The following XYLB variants were observed in gnomAD, a reference collection of about 807,000 sequenced individuals.
The protein encoded by XYLB is xylulose kinase.
In XYLB, 62 loss-of-function variants were observed where a neutral mutation model predicts 78.7. The ratio of observed to expected loss-of-function variants is 0.79; its 90% CI spans 0.64 to 0.97. The LOEUF (loss-of-function observed/expected upper bound fraction) is 0.97. Ranked by LOEUF, XYLB falls within the 50% of genes least tolerant of loss-of-function variation. The pLI is 0.00. For synonymous variants in XYLB, 245 were observed against 247.4 expected, an observed-to-expected ratio of 0.99 and a Z score of 0.09; for missense variants, 687 against 676.8, an observed-to-expected ratio of 1.02 and a Z score of -0.17.
chr3:38,412,587 A>C (rs1708638966), intron 18 of XYLB, among the ~76,000 whole-genome samples: 1 of 152,204 alleles, frequency 6.6e-6, no homozygotes, highest in South Asian at 2.1e-4. Context: ...TGGGCTCCTT[A>C]ATACAGATAT....
chr3:38,365,167 T>C, intron 4 of XYLB, 32 bp from the exon 5 acceptor site: 1 of 1,608,636 alleles, frequency 6.2e-7, no homozygotes, highest in Admixed American at 1.7e-5. Context: ...TGGTGTGTGG[T>C]CATGTGACCA....
chr3:38,366,971 G>T, intron 7 of XYLB, 98 bp downstream of exon 7: 1 of 766,248 alleles, frequency 1.3e-6, no homozygotes, highest in East Asian at 2.6e-5. Flanking sequence ...TGAAAACATT[G>T]ATAAGCAGAC....
At chr3:38,369,819 T>C (rs562471977) in intron 8 of XYLB, among the ~76,000 whole-genome samples, 5 of 152,088 alleles carry the variant, frequency 3.3e-5, no homozygotes, top group Non-Finnish European at 7.4e-5. Context: ...AAGCTAACTG[T>C]AGTGTTTGAG....
At chr3:38,400,741 T>C in intron 17 of XYLB, 150 bp from the exon 18 acceptor site, 1 of 590,102 alleles carries the variant, frequency 1.7e-6, no homozygotes, top group East Asian at 2.9e-5. Flanking sequence ...GTCCAATTCA[T>C]TGATTTTTCA....
chr3:38,357,518 C>T (rs1214634609), intron 2 of XYLB, among the ~76,000 whole-genome samples: 1 of 152,084 alleles, frequency 6.6e-6, no homozygotes, highest in African/African-American at 2.4e-5. Context: ...TCCCTAGTAG[C>T]TGGAACTACA....
the XYLB span, among the ~76,000 whole-genome samples, chr3:38,432,256 C>G: frequency 6.6e-6 from 1 of 152,216 alleles, no homozygotes. Flanking sequence ...TCCACCTAGC[C>G]TGTAAAATCA....
intron 18 of XYLB, among the ~76,000 whole-genome samples, chr3:38,407,839 C>T (rs1243735402): frequency 6.7e-6 from 1 of 150,148 alleles, no homozygotes; most frequent in Non-Finnish European, 1.5e-5. Flanking sequence ...GCTAACTGTC[C>T]TAAATATATA....
At chr3:38,371,275 ATT>A (rs59659938) in intron 9 of XYLB, among the ~76,000 whole-genome samples, 222 of 138,826 alleles carry the variant, frequency 1.6e-3, no homozygotes, top group South Asian at 1.6e-3. Flanking sequence ...TGCACAGCTA[ATT>A]TTTTTTTTTT....
intron 9 of XYLB, 163 bp downstream of exon 9, chr3:38,370,337 A>G (rs1706492134): frequency 5.0e-6 from 3 of 604,618 alleles, no homozygotes; most frequent in African/African-American, 1.8e-5. Flanking sequence ...TTAGCCTAAG[A>G]TGTAAGTCAG....
At chr3:38,402,070 C>T (rs1708144415) in intron 18 of XYLB, among the ~76,000 whole-genome samples, 1 of 151,932 alleles carries the variant, frequency 6.6e-6, no homozygotes, top group African/African-American at 2.4e-5. Flanking sequence ...TCATGCTTGC[C>T]TCATTTTCCC....
At chr3:38,449,060 G>T in the XYLB span, among the ~76,000 whole-genome samples, 1 of 151,398 alleles carries the variant, frequency 6.6e-6, no homozygotes, top group Admixed American at 6.6e-5. Flanking sequence ...GGATGGTCTG[G>T]TTTTTTCCAT....
the XYLB span, among the ~76,000 whole-genome samples, chr3:38,443,487 G>T: frequency 6.6e-6 from 1 of 152,108 alleles, no homozygotes; most frequent in South Asian, 2.1e-4. Context: ...CAGCTGATTG[G>T]CCTGCTCTAT....
rs368873384 is a variant in XYLB at position 38,368,272 on chromosome 3, A to G, written c.646+15A>G. ...CTACAGTGATGGTGAGCCTCGGGGT[A>G]TGGGGTGGGTGCCTGGGCAGTGTGC... On this transcript the variant is annotated intron_variant, in intron 8 of 18. Coordinates refer to ENST00000207870, the MANE Select transcript of XYLB (RefSeq NM_005108.4). The G allele has an allele frequency of 6.2e-7, 1 of 1,613,404 alleles. No individual in the cohort carries two copies. The highest frequency in any genetic ancestry group is 8.5e-7 in the Non-Finnish European group (1 of 1,179,436).
intron 14 of XYLB, 126 bp downstream of exon 14, chr3:38,377,117 C>T (rs1028754750): frequency 1.2e-5 from 10 of 852,190 alleles, no homozygotes; most frequent in Middle Eastern, 3.2e-4. Context: ...ATATCATACA[C>T]ACTTGTGGTG....
chr3:38,366,285 G>A (rs372094442), intron 6 of XYLB, among the ~76,000 whole-genome samples: 1 of 151,982 alleles, frequency 6.6e-6, no homozygotes, highest in Non-Finnish European at 1.5e-5. Flanking sequence ...ATGTGGGTGG[G>A]GAAAATACCC....
chr3:38,431,464 G>A, the XYLB span, among the ~76,000 whole-genome samples: 1 of 152,184 alleles, frequency 6.6e-6, no homozygotes, highest in Non-Finnish European at 1.5e-5. Context: ...AGACGATGGG[G>A]TTTTCTAAAC....
downstream of XYLB, among the ~76,000 whole-genome samples, chr3:38,420,758 G>A (rs1708951977): frequency 6.6e-6 from 1 of 151,496 alleles, no homozygotes; most frequent in Non-Finnish European, 1.5e-5. Context: ...GTTTTGCCAT[G>A]TTGTTGGTAG....
At chr3:38,348,418 C>T in intron 1 of XYLB, 132 bp from the exon 2 acceptor site, 2 of 730,716 alleles carry the variant, frequency 2.7e-6, no homozygotes, top group East Asian at 2.7e-5. Flanking sequence ...GTGAGGCAGC[C>T]CTGCCTTCAA....
rs527750375 is a variant in XYLB at position 38,375,341 on chromosome 3, A to T, written c.1004+82A>T. The T allele has an allele frequency of 2.5e-6, 3 of 1,215,690 alleles. No individual in the cohort carries two copies. The African/African-American group carries it at 4.5e-5, about 18-fold the overall frequency. The allele number at this position is 1,215,690 out of a possible 1,614,324, so 75.3% of individuals were successfully genotyped here. ...GGCACCATCTTGAGGACCCCAAGTC[A>T]TTCCACTAAGCTCTGGAATGACTCC... On this transcript the variant is annotated intron_variant, in intron 12 of 18. Transcript: ENST00000207870.
Sources: allele counts gnomAD v4.1 joint callset (sites outside exome capture counted in the v4.1 genomes callset), GRCh38; gene constraint gnomAD v4.1.1; transcripts MANE v1.5; gene names NCBI Gene and HGNC (gene_info 2026-07-23, HGNC 2026-07-21).